The following CLSTN2 variants were observed in gnomAD, a reference collection of about 807,000 sequenced individuals.
CLSTN2 encodes the protein calsyntenin-2.
Under a neutral mutation model 101.2 loss-of-function variants are expected in CLSTN2, and 48 were observed. That is an observed-to-expected ratio of 0.47 (90% CI 0.38 to 0.60). The LOEUF (loss-of-function observed/expected upper bound fraction) is 0.60. Among genes scored for constraint, CLSTN2 ranks in the 20% least tolerant of loss-of-function variants. CLSTN2 has a pLI of 0.00. For missense variants in CLSTN2, 1,160 were observed against 1,238.2 expected (o/e 0.94, Z 0.95); for synonymous variants, 481 against 463.6 (o/e 1.04, Z -0.48).
chr3:139,981,437 AT>A (rs1376503627), intron 1 of CLSTN2, among the ~76,000 whole-genome samples: 2 of 152,212 alleles, frequency 1.3e-5, no homozygotes, highest in African/African-American at 4.8e-5. Flanking sequence ...CACAGACCTC[AT>A]GTAATTTTTA....
rs534487700 is a variant in CLSTN2 at position 140,381,803 on chromosome 3, T to C, written c.233-21826T>C. 3.3e-5 allele frequency among the ~76,000 whole-genome samples: 5 copies of C among 152,346 alleles called. No individual in the cohort carries two copies. In the South Asian group the frequency reaches 6.2e-4, roughly 19 times the overall value. ...TAAATCAGTTTGCTGAACTGAACAA[T>C]TGGAGCTTTCCATTATTACACAAAG... is the stretch of plus-strand genomic sequence containing the variant. On this transcript the variant is annotated intron_variant, in intron 2 of 16. Transcript: ENST00000458420.
chr3:139,971,414 G>T (rs1224992892), intron 1 of CLSTN2, among the ~76,000 whole-genome samples: 1 of 152,210 alleles, frequency 6.6e-6, no homozygotes, highest in Non-Finnish European at 1.5e-5. Flanking sequence ...GTTCCTCGGT[G>T]CCAGGCCCTG....
intron 2 of CLSTN2, among the ~76,000 whole-genome samples, chr3:140,346,262 G>A (rs1227856867): frequency 6.6e-6 from 1 of 152,104 alleles, no homozygotes; most frequent in African/African-American, 2.4e-5. Flanking sequence ...TTTCATATTT[G>A]CCAAGTCCCC....
intron 5 of CLSTN2, among the ~76,000 whole-genome samples, chr3:140,443,844 C>T (rs72983198): frequency 0.028 from 4,307 of 152,202 alleles, 202 homozygotes; most frequent in African/African-American, 0.097. Context: ...CCCCAATCTG[C>T]AGATGAAGCA....
At chr3:140,417,121 A>G (rs143804805) in intron 4 of CLSTN2, among the ~76,000 whole-genome samples, 157 of 152,330 alleles carry the variant, frequency 1.0e-3, no homozygotes, top group African/African-American at 3.6e-3. Context: ...GTTTTTCTGT[A>G]AAGTTTTTAA....
At chr3:140,478,336 A>G (rs977764645) in intron 8 of CLSTN2, among the ~76,000 whole-genome samples, 2 of 62,398 alleles carry the variant, frequency 3.2e-5, no homozygotes, top group Non-Finnish European at 6.8e-5. Flanking sequence ...ACATCCAGAA[A>G]AAAAAAAAAA....
At chr3:139,980,623 G>A (rs77450771) in intron 1 of CLSTN2, among the ~76,000 whole-genome samples, 4,346 of 148,140 alleles carry the variant, frequency 0.029, 104 homozygotes, top group Middle Eastern at 0.093. Flanking sequence ...AGTACTTACC[G>A]ATTCTACACT....
At chr3:140,204,004 C>T (rs2010751248) in intron 2 of CLSTN2, among the ~76,000 whole-genome samples, 1 of 152,138 alleles carries the variant, frequency 6.6e-6, no homozygotes, top group Non-Finnish European at 1.5e-5. Context: ...AGTTAATCTC[C>T]CTAGATCTCT....
rs73867292 is a variant in CLSTN2 at position 140,087,847 on chromosome 3, A to C, written c.110-88104A>C. The stretch of plus-strand genomic sequence containing the variant: ...AGCATGGAAGGAAATAGAGGTGAGG[A>C]GTTTGGGGCAAAGAGAGATAGTAGT... On this transcript the variant is annotated intron_variant, in intron 1 of 16. Transcript: ENST00000458420. Among the ~76,000 whole-genome samples, 907 of 152,218 alleles carry C rather than the reference A, an allele frequency of 6.0e-3. 11 individuals carry two copies. Among genetic ancestry groups the C allele is most frequent in the African/African-American group, 0.019 (806 of 41,526 alleles).
chr3:140,378,741 G>A (rs574572635), intron 2 of CLSTN2, among the ~76,000 whole-genome samples: 23 of 152,294 alleles, frequency 1.5e-4, no homozygotes, highest in Admixed American at 6.5e-4. Flanking sequence ...CTTACGGGCT[G>A]TGTGGCCTTG....
At chr3:140,521,316 T>A (rs1935022827) in intron 8 of CLSTN2, among the ~76,000 whole-genome samples, 1 of 152,194 alleles carries the variant, frequency 6.6e-6, no homozygotes, top group Non-Finnish European at 1.5e-5. Flanking sequence ...AATGGGATTT[T>A]TGTTGATGTT....
chr3:140,221,474 T>C (rs1477734973), intron 2 of CLSTN2, among the ~76,000 whole-genome samples: 1 of 151,852 alleles, frequency 6.6e-6, no homozygotes, highest in Non-Finnish European at 1.5e-5. Context: ...GATAATGAAA[T>C]GTAGACCAGG....
intron 1 of CLSTN2, among the ~76,000 whole-genome samples, chr3:140,122,915 T>A (rs939731153): frequency 2.0e-5 from 3 of 152,170 alleles, no homozygotes; most frequent in African/African-American, 7.2e-5. Flanking sequence ...GAGCTGGGTG[T>A]GGCCATTGGG....
intron 15 of CLSTN2, 80 bp from the exon 16 acceptor site, chr3:140,563,880 CG>C (rs1935972977): frequency 1.4e-6 from 2 of 1,398,630 alleles, no homozygotes; most frequent in South Asian, 1.3e-5. Context: ...ATCCTATGCA[CG>C]GATGTTTCAT....
At chr3:140,120,122 A>C (rs1424841988) in intron 1 of CLSTN2, among the ~76,000 whole-genome samples, 5 of 152,140 alleles carry the variant, frequency 3.3e-5, no homozygotes, top group African/African-American at 1.2e-4. Flanking sequence ...GATAGTATCA[A>C]ATCCCATAGG....
At chr3:140,406,002 G>A (rs1012326314) in intron 4 of CLSTN2, among the ~76,000 whole-genome samples, 4 of 121,350 alleles carry the variant, frequency 3.3e-5, no homozygotes, top group Non-Finnish European at 6.1e-5. Context: ...ATAGACATGG[G>A]CCTGTCCACA....
chr3:139,936,284 G>A (rs567608262), intron 1 of CLSTN2, among the ~76,000 whole-genome samples: 2 of 152,210 alleles, frequency 1.3e-5, no homozygotes, highest in Non-Finnish European at 2.9e-5. Context: ...GGAGCTCTGG[G>A]GTGGGGGGCC....
At chr3:140,243,353 T>C (rs191588131) in intron 2 of CLSTN2, among the ~76,000 whole-genome samples, 10 of 152,322 alleles carry the variant, frequency 6.6e-5, no homozygotes, top group Admixed American at 5.2e-4. Flanking sequence ...GATGGGTAAA[T>C]GATAAGTCAG....
At chr3:140,012,275 T>C (rs1463634351) in intron 1 of CLSTN2, among the ~76,000 whole-genome samples, 2 of 152,056 alleles carry the variant, frequency 1.3e-5, no homozygotes, top group South Asian at 2.1e-4. Flanking sequence ...GCTGTGTGTA[T>C]GAAAGAAAGG....
Sources: gnomAD v4.1 joint callset for allele counts (sites outside exome capture counted in the v4.1 genomes callset) on GRCh38, gnomAD v4.1.1 for gene constraint, MANE v1.5 for transcripts, NCBI Gene and HGNC (gene_info 2026-07-23, HGNC 2026-07-21) for gene names.